The following PRIMA1 variants were observed in gnomAD, a reference collection of about 807,000 sequenced individuals.
PRIMA1 encodes the protein proline rich membrane anchor 1.
In PRIMA1, 7 loss-of-function variants were observed where a neutral mutation model predicts 17.5. The observed-to-expected ratio is 0.40, with a 90% confidence interval of 0.23 to 0.75. The LOEUF (loss-of-function observed/expected upper bound fraction) is 0.75. Among genes scored for constraint, PRIMA1 ranks in the 30% least tolerant of loss-of-function variants. The pLI is 0.37. For synonymous variants in PRIMA1, 97 were observed against 77.9 expected, an observed-to-expected ratio of 1.25 and a Z score of -1.29; for missense variants, 200 against 201.8, an observed-to-expected ratio of 0.99 and a Z score of 0.05.
At chr14:93,778,847 G>A (rs1243718275) in intron 3 of PRIMA1, among the ~76,000 whole-genome samples, 2 of 152,128 alleles carry the variant, frequency 1.3e-5, no homozygotes, top group Non-Finnish European at 1.5e-5. Flanking sequence ...TGTGTGTTGG[G>A]GGAGGGGGGC....
At chr14:93,744,917 T>G (rs1163177930) in intron 3 of PRIMA1, among the ~76,000 whole-genome samples, 1 of 151,800 alleles carries the variant, frequency 6.6e-6, no homozygotes, top group Non-Finnish European at 1.5e-5. Flanking sequence ...GCCTGCCTTT[T>G]CCAAAACTAA....
intron 3 of PRIMA1, among the ~76,000 whole-genome samples, chr14:93,768,883 G>A (rs943603328): frequency 1.4e-4 from 20 of 147,440 alleles, no homozygotes; most frequent in Non-Finnish European, 2.4e-4. Context: ...TTGGCTCACC[G>A]CGACCTCCAC....
At chr14:93,782,258 A>G (rs1012938875) in intron 2 of PRIMA1, among the ~76,000 whole-genome samples, 1 of 149,040 alleles carries the variant, frequency 6.7e-6, no homozygotes, top group Non-Finnish European at 1.5e-5. Flanking sequence ...ACAGAGCAAG[A>G]CTCCGTCTCA....
chr14:93,765,200 G>A (rs1265434319), intron 3 of PRIMA1, among the ~76,000 whole-genome samples: 2 of 151,726 alleles, frequency 1.3e-5, no homozygotes, highest in Admixed American at 6.6e-5. Context: ...CAAATGGCAG[G>A]CTCTTACAAA....
chr14:93,732,203 G>A (rs993251097), intron 4 of PRIMA1, among the ~76,000 whole-genome samples: 20 of 152,306 alleles, frequency 1.3e-4, no homozygotes, highest in African/African-American at 4.1e-4. Context: ...GCGTGTCTCC[G>A]TGCAGGGGGT....
At chr14:93,779,636 C>T (rs1241677936) in intron 2 of PRIMA1, among the ~76,000 whole-genome samples, 6 of 152,166 alleles carry the variant, frequency 3.9e-5, no homozygotes, top group African/African-American at 1.2e-4. Context: ...TAAACTGAGG[C>T]CCAGGCAGAA....
intron 4 of PRIMA1, among the ~76,000 whole-genome samples, chr14:93,728,609 C>T (rs1418235185): frequency 6.6e-6 from 1 of 152,092 alleles, no homozygotes; most frequent in Admixed American, 6.5e-5. Context: ...TTCCCATTTA[C>T]CCTCACCCTG....
chr14:93,721,657 A>T (rs1258728900), intron 4 of PRIMA1, 111 bp from the exon 5 acceptor site: 8 of 682,864 alleles, frequency 1.2e-5, no homozygotes, highest in Admixed American at 2.2e-5. Flanking sequence ...GCTCCGTGAG[A>T]GTGTCAGAAG....
intron 3 of PRIMA1, among the ~76,000 whole-genome samples, chr14:93,775,844 G>T (rs1026488182): frequency 6.6e-6 from 1 of 152,068 alleles, no homozygotes; most frequent in African/African-American, 2.4e-5. Context: ...TTTTCCTTTG[G>T]GAAACCACCT....
chr14:93,740,549 T>C (rs180730384), intron 3 of PRIMA1, among the ~76,000 whole-genome samples: 1 of 152,364 alleles, frequency 6.6e-6, no homozygotes, highest in African/African-American at 2.4e-5. Flanking sequence ...ATGGCTCTAC[T>C]TCTTCAGGCT....
At chr14:93,736,759 A>T (rs1202631756) in intron 4 of PRIMA1, among the ~76,000 whole-genome samples, 4 of 152,270 alleles carry the variant, frequency 2.6e-5, no homozygotes, top group Admixed American at 6.5e-5. Context: ...GTAAACTTAA[A>T]TATTTTAGAT....
chr14:93,779,458 GGATT>G, intron 2 of PRIMA1, 147 bp from the exon 3 acceptor site: 5 of 677,410 alleles, frequency 7.4e-6, no homozygotes, highest in Non-Finnish European at 1.2e-5. Context: ...AACAGAAGTC[GGATT>G]GGTTCAAAGG....
rs1024572682 is a variant in PRIMA1, at chr14:93,751,344, T to C, written c.230-13974A>G. 2.8e-4 allele frequency among the ~76,000 whole-genome samples: 43 copies of C among 152,190 alleles called. 1 individual carries two copies. Among genetic ancestry groups the C allele is most frequent in the Non-Finnish European group, 7.3e-5 (5 of 68,030 alleles). On this transcript the variant is annotated intron_variant, in intron 3 of 4. Coordinates refer to ENST00000393140, the MANE Select transcript of PRIMA1 (RefSeq NM_178013.4). ...GAAATTGCCTTTGCAGGACTTGGCCTGAGATGGTGCTTTCACTCGGCTTCC... is the reference window on the plus strand; with the variant it reads ...GAAATTGCCTTTGCAGGACTTGGCCCGAGATGGTGCTTTCACTCGGCTTCC...
intron 3 of PRIMA1, among the ~76,000 whole-genome samples, chr14:93,775,575 T>C (rs1885192281): frequency 1.3e-5 from 2 of 152,234 alleles, no homozygotes; most frequent in South Asian, 4.1e-4. Flanking sequence ...CTTGGCTCAC[T>C]GCAACCTCCG....
Position 93,779,207 on chromosome 14 carries a change from G to T in PRIMA1, c.198C>A (p.Pro66=). ...CGGAGAGGAGTCTGGGAGGTGGCGG[G>T]GGTGGGGGCGGCGGGGGCAGCGGGG... ...PPPPLPPPPP[P]PPPPRLLSAP... is the part of the protein sequence containing the mutation. The change falls in exon 3 of 5, where the codon CCC becomes CCA. Residue 66 remains proline (P), a synonymous_variant. Transcript: ENST00000393140. 2 of 1,349,522 alleles carry T rather than the reference G, an allele frequency of 1.5e-6. No homozygotes were observed. Among genetic ancestry groups the T allele is most frequent in the East Asian group, 5.9e-5 (2 of 33,878 alleles). The allele number at this position is 1,349,522 out of a possible 1,614,324, so 83.6% of individuals were successfully genotyped here.
intron 4 of PRIMA1, among the ~76,000 whole-genome samples, chr14:93,729,151 T>C (rs1246549837): frequency 6.6e-6 from 1 of 152,244 alleles, no homozygotes; most frequent in Non-Finnish European, 1.5e-5. Context: ...GTCTTGATTC[T>C]GGACTAAGCA....
chr14:93,747,563 T>A (rs1346300570), intron 3 of PRIMA1, among the ~76,000 whole-genome samples: 1 of 149,796 alleles, frequency 6.7e-6, no homozygotes, highest in African/African-American at 2.5e-5. Flanking sequence ...AGAGTGTGAG[T>A]GTGGGGGAGT....
rs113521177 is a variant in PRIMA1 at position 93,731,870 on chromosome 14, G to C, written c.359+5371C>G. Among the ~76,000 whole-genome samples the C allele has an allele frequency of 2.6e-5, 4 of 152,130 alleles. No individual in the cohort carries two copies. The South Asian group carries it at 6.2e-4, about 24-fold the overall frequency. ...GGTTTTCTAAGGCACCATCAAAAAG[G>C]CTTGAGCATTCAAAAGTGCTCGTTC... is the stretch of plus-strand genomic sequence containing the variant. On this transcript the variant is annotated intron_variant, in intron 4 of 4. Coordinates refer to ENST00000393140, the MANE Select transcript of PRIMA1 (RefSeq NM_178013.4).
chr14:93,755,893 G>A lies in PRIMA1; in HGVS notation c.230-18523C>T, dbSNP rs575648546. On this transcript the variant is annotated intron_variant, in intron 3 of 4. Transcript: ENST00000393140. ...TGCCTGGCGAGGTGAGGAAGGGCTC[G>A]CCATGCACCCCAGAGAGCAGAGATT... 6.4e-4 allele frequency among the ~76,000 whole-genome samples: 98 copies of A among 152,102 alleles called. 1 individual carries two copies. Among genetic ancestry groups the A allele is most frequent in the African/African-American group, 2.3e-3 (96 of 41,490 alleles).
Sources: gnomAD v4.1 joint callset for allele counts (sites outside exome capture counted in the v4.1 genomes callset) on GRCh38, gnomAD v4.1.1 for gene constraint, MANE v1.5 for transcripts, NCBI Gene and HGNC (gene_info 2026-07-23, HGNC 2026-07-21) for gene names.